The following GUSB variants were observed in gnomAD, a reference collection of about 807,000 sequenced individuals.
GUSB encodes glucuronidase beta, also known as beta-glucuronidase.
GUSB carries 51 observed loss-of-function variants against 74.6 expected under a neutral mutation model. That is an observed-to-expected ratio of 0.68 (90% confidence interval 0.55 to 0.86). The LOEUF is 0.86. Ranked by LOEUF, GUSB falls within the 40% of genes least tolerant of loss-of-function variation. GUSB has a pLI of 0.00. For missense variants in GUSB, 736 were observed against 853.7 expected, an observed-to-expected ratio of 0.86 and a Z score of 1.72; for synonymous variants, 360 against 348.3, an observed-to-expected ratio of 1.03 and a Z score of -0.37.
At chr7:65,976,917 A>C (rs1791618321) in intron 4 of GUSB, among the ~76,000 whole-genome samples, 1 of 151,946 alleles carries the variant, frequency 6.6e-6, no homozygotes, top group South Asian at 2.1e-4. Flanking sequence ...TAGGTAGTCA[A>C]GGAAGTGACC....
intron 8 of GUSB, among the ~76,000 whole-genome samples, chr7:65,973,315 G>A (rs566793979): frequency 7.2e-5 from 11 of 152,202 alleles, no homozygotes; most frequent in Middle Eastern, 3.4e-3. Flanking sequence ...TTGGCCAGGC[G>A]TGGTAGCTCA....
chr7:65,971,781 C>G (rs1316044499), intron 8 of GUSB, among the ~76,000 whole-genome samples: 3 of 151,254 alleles, frequency 2.0e-5, no homozygotes, highest in Admixed American at 6.6e-5. Flanking sequence ...CCGCACACAC[C>G]TGTGGCCCCA....
chr7:65,967,425 G>C (rs1562674865), intron 10 of GUSB, among the ~76,000 whole-genome samples: 1 of 152,208 alleles, frequency 6.6e-6, no homozygotes, highest in Non-Finnish European at 1.5e-5. Flanking sequence ...CCACACTCCA[G>C]CCTGGGTGAC....
chr7:65,962,848 G>A (rs1335760033), intron 11 of GUSB, among the ~76,000 whole-genome samples: 1 of 150,482 alleles, frequency 6.6e-6, no homozygotes, highest in African/African-American at 2.4e-5. Flanking sequence ...CTCCAGCCTG[G>A]GAAACGAGCA....
At chr7:65,975,513 T>A (rs1224014325) in intron 5 of GUSB, 2 of 255,208 alleles carry the variant, frequency 7.8e-6, no homozygotes, top group Non-Finnish European at 1.6e-5. Flanking sequence ...GCCTCCCGAG[T>A]GGCTGGAATT....
At chr7:65,976,961 A>G (rs140310412) in intron 4 of GUSB, among the ~76,000 whole-genome samples, 2 of 152,060 alleles carry the variant, frequency 1.3e-5, no homozygotes, top group Non-Finnish European at 2.9e-5. Flanking sequence ...CGGCACTGAG[A>G]CACGTGACGT....
intron 4 of GUSB, 134 bp downstream of exon 4, chr7:65,979,265 G>A (rs1298773526): frequency 8.4e-6 from 8 of 957,292 alleles, no homozygotes; most frequent in Admixed American, 1.7e-5. Context: ...CTGAATTTTA[G>A]CTTCATAGGT....
chr7:65,960,826 C>T lies in GUSB; in HGVS notation c.*71G>A. On this transcript the variant is annotated 3_prime_UTR_variant, in exon 12 of 12. Coordinates refer to ENST00000304895, the MANE Select transcript of GUSB (RefSeq NM_000181.4). Reference sequence around the variant, plus strand: ...GGTCTGCCGTGAACAGTCCAGGAGGCACTTGTTCTGCTGCTGTGGAAGTCG... The same window carrying T: ...GGTCTGCCGTGAACAGTCCAGGAGGTACTTGTTCTGCTGCTGTGGAAGTCG... 2 of 1,280,782 alleles carry T rather than the reference C, an allele frequency of 1.6e-6. No individual in the cohort carries two copies. The highest frequency in any genetic ancestry group is 2.3e-6 in the Non-Finnish European group (2 of 876,546). 79.3% of individuals were successfully genotyped at this position (1,280,782 alleles called of 1,614,324 possible). A position where few individuals can be genotyped will look rare whatever the true frequency, so the allele number is the denominator to read the frequency against.
rs775341321 is a variant in GUSB at position 65,970,353 on chromosome 7, G to A, written c.1405C>T (p.His469Tyr). Residue 469 changes from histidine to tyrosine, a missense_variant, in exon 9 of 12, where the codon CAC becomes TAC. Physicochemically the swap from His to Tyr is moderately conservative, Grantham distance 83 (BLOSUM62 2). Transcript: ENST00000304895. Reference protein sequence around the residue: ...AGYYLKMVIAHTKSLDPSRPV... With the variant: ...AGYYLKMVIAYTKSLDPSRPV... ...CGGGAGGGGTCCAAGGATTTGGTGT[G>A]AGCGATCACCATCCTGTCCACAAAA... The A allele has an allele frequency of 2.5e-6, 4 of 1,611,492 alleles. No homozygotes were observed. Among genetic ancestry groups the A allele is most frequent in the Admixed American group, 1.7e-5 (1 of 59,932 alleles).
Position 65,975,000 on chromosome 7 carries a change from A to G in GUSB, c.984T>C (p.Thr328=). ...DFYTLPVGIR[T]VAVTKSQFLI... Reference sequence around the variant, plus strand: ...GGAACTGGCTCTTGGTGACAGCCACAGTGCGGATCCCCACAGGGAGTGTGT... The same window carrying G: ...GGAACTGGCTCTTGGTGACAGCCACGGTGCGGATCCCCACAGGGAGTGTGT... Residue 328 remains threonine (T), a synonymous_variant, in exon 6 of 12, where the codon ACT becomes ACC. Transcript: ENST00000304895. 1 of 1,613,318 alleles carries G rather than the reference A, an allele frequency of 6.2e-7. No homozygotes were observed. The highest frequency in any genetic ancestry group is 8.5e-7 in the Non-Finnish European group (1 of 1,179,306).
intron 2 of GUSB, 39 bp downstream of exon 2, chr7:65,980,185 G>GCTCCC: frequency 1.5e-5 from 11 of 725,272 alleles, no homozygotes; most frequent in South Asian, 1.1e-4. Flanking sequence ...CAGCAGCCGT[G>GCTCCC]CCCCCCCACC....
At chr7:65,979,274 G>A (rs1301681969) in intron 4 of GUSB, 125 bp downstream of exon 4, 1 of 1,006,124 alleles carries the variant, frequency 9.9e-7, no homozygotes, top group East Asian at 2.4e-5. Context: ...AGCTTCATAG[G>A]TGGAAGGGAA....
chr7:65,964,183 C>G, intron 11 of GUSB, 140 bp downstream of exon 11: 1 of 844,862 alleles, frequency 1.2e-6, no homozygotes, highest in Non-Finnish European at 2.0e-6. Flanking sequence ...CTAGAAAATT[C>G]TCAACGCAAC....
At chr7:65,967,355 G>A (rs897584010) in intron 10 of GUSB, among the ~76,000 whole-genome samples, 1 of 152,236 alleles carries the variant, frequency 6.6e-6, no homozygotes, top group South Asian at 2.1e-4. Flanking sequence ...TCAGGAGGCT[G>A]AGGTGGGAGG....
At chr7:65,966,806 G>A (rs911203778) in intron 10 of GUSB, among the ~76,000 whole-genome samples, 14 of 152,012 alleles carry the variant, frequency 9.2e-5, no homozygotes, top group African/African-American at 3.4e-4. Flanking sequence ...AAAAAGGCTA[G>A]CACAGTGGAT....
chr7:65,976,420 G>A (rs1165076445), intron 4 of GUSB, among the ~76,000 whole-genome samples: 1 of 151,926 alleles, frequency 6.6e-6, no homozygotes, highest in Non-Finnish European at 1.5e-5. Context: ...CCACCTCTGG[G>A]GTTCAGGTGA....
At chr7:65,976,483 G>A (rs960458192) in intron 4 of GUSB, among the ~76,000 whole-genome samples, 2 of 151,954 alleles carry the variant, frequency 1.3e-5, no homozygotes, top group African/African-American at 4.8e-5. Flanking sequence ...GCACCACCAT[G>A]CTTGGCGAAT....
In GUSB at chr7:65,979,550, G is replaced by A; in HGVS notation, c.582-9C>T. ...AGTAACCCTTGGGATACCTAGGATG[G>A]GAGGACTGTGGTTTGCTGGGCCCTT... is the stretch of plus-strand genomic sequence containing the variant. On this transcript the variant is annotated splice_polypyrimidine_tract_variant and intron_variant, in intron 3 of 11. Transcript: ENST00000304895. 3 of 1,614,064 alleles carry A rather than the reference G, an allele frequency of 1.9e-6. No homozygotes were observed. The highest frequency in any genetic ancestry group is 2.5e-6 in the Non-Finnish European group (3 of 1,179,952).
intron 10 of GUSB, among the ~76,000 whole-genome samples, chr7:65,965,468 G>A (rs567893184): frequency 6.6e-6 from 1 of 152,314 alleles, no homozygotes; most frequent in East Asian, 1.9e-4. Flanking sequence ...CAGTAGCCAT[G>A]TGTAGCTAGT....
Sources: gnomAD v4.1 joint callset for allele counts (sites outside exome capture counted in the v4.1 genomes callset) on GRCh38, gnomAD v4.1.1 for gene constraint, MANE v1.5 for transcripts, NCBI Gene and HGNC (gene_info 2026-07-23, HGNC 2026-07-21) for gene names.